Variants in CLDN16 observed in about 807,000 individuals in gnomAD.
The protein encoded by CLDN16 is claudin-16.
A neutral mutation model predicts 24.6 loss-of-function variants in CLDN16; 13 were observed. The observed-to-expected ratio is 0.53, with a 90% CI of 0.34 to 0.84. The LOEUF is 0.84. CLDN16 is among the 40% of genes least tolerant of loss of function. The probability of loss-of-function intolerance (pLI) is 0.01; values close to 1 mark genes in which losing one functional copy is unlikely to be tolerated. For missense variants in CLDN16, 298 were observed against 292.7 expected, an observed-to-expected ratio of 1.02 and a Z score of -0.13; for synonymous variants, 116 against 106.7, an observed-to-expected ratio of 1.09 and a Z score of -0.54.
the CLDN16 span, among the ~76,000 whole-genome samples, chr3:190,300,868 TG>T: frequency 6.6e-6 from 1 of 152,188 alleles, no homozygotes; most frequent in East Asian, 1.9e-4. Flanking sequence ...AATCCAGGGC[TG>T]GTCTGTGACC....
At position 190,410,001 on chromosome 3, in the gene CLDN16, A is replaced by G; in HGVS notation, c.673A>G (p.Thr225Ala). ...GTCATACTCAGCCCCTCGCACAGAG[A>G]CGGCCAAAATGTATGCTGTAGACAC... is the stretch of plus-strand genomic sequence containing the variant. ...AKSYSAPRTE[T>A]AKMYAVDTRV The change falls in exon 5 of 5, where the codon ACG (threonine) becomes GCG (alanine). Residue 225 changes from threonine (T) to alanine (A), a missense_variant. Physicochemically the swap from Thr to Ala is moderately conservative, Grantham distance 58. Coordinates refer to ENST00000264734, the MANE Select transcript of CLDN16 (RefSeq NM_006580.4). 1 of 1,614,080 alleles carries G rather than the reference A, an allele frequency of 6.2e-7. No individual in the cohort carries two copies. The highest frequency in any genetic ancestry group is 8.5e-7 in the Non-Finnish European group (1 of 1,180,016).
chr3:190,341,253 G>T (rs113962136), intron 1 of CLDN16, among the ~76,000 whole-genome samples: 1 of 152,188 alleles, frequency 6.6e-6, no homozygotes, highest in Non-Finnish European at 1.5e-5. Context: ...CCCTAGCAGA[G>T]GTTCTCTATA....
chr3:190,339,484 G>A (rs1717382163), intron 1 of CLDN16, among the ~76,000 whole-genome samples: 1 of 152,166 alleles, frequency 6.6e-6, no homozygotes, highest in Non-Finnish European at 1.5e-5. Context: ...GCAGTGTTGA[G>A]GAGACAATGT....
chr3:190,358,202 T>C (rs575853017), intron 1 of CLDN16, among the ~76,000 whole-genome samples: 2 of 152,108 alleles, frequency 1.3e-5, no homozygotes, highest in Non-Finnish European at 2.9e-5. Context: ...AGAAATGCTT[T>C]TTTTTCTTTT....
At chr3:190,399,146 GCTATCAT>G (rs968321813) in intron 1 of CLDN16, among the ~76,000 whole-genome samples, 1 of 152,118 alleles carries the variant, frequency 6.6e-6, no homozygotes, top group African/African-American at 2.4e-5. Context: ...TTCACCCAAA[GCTATCAT>G]CCAATACCCA....
At chr3:190,357,631 C>T (rs552591319) in intron 1 of CLDN16, among the ~76,000 whole-genome samples, 9 of 152,046 alleles carry the variant, frequency 5.9e-5, no homozygotes, top group African/African-American at 2.2e-4. Context: ...GCTTACCTTT[C>T]TCACTCCTAC....
At chr3:190,352,793 G>GA (rs67683738) in intron 1 of CLDN16, among the ~76,000 whole-genome samples, 73 of 145,626 alleles carry the variant, frequency 5.0e-4, no homozygotes, top group East Asian at 4.9e-3. Flanking sequence ...TGTTTTCTCA[G>GA]AAAAAAAAAA....
chr3:190,375,658 T>G (rs1718230288), intron 3 of CLDN16, among the ~76,000 whole-genome samples: 1 of 151,986 alleles, frequency 6.6e-6, no homozygotes, highest in Non-Finnish European at 1.5e-5. Flanking sequence ...CTTATCTCTT[T>G]ATTAAACATT....
At chr3:190,299,549 A>AT in the CLDN16 span, among the ~76,000 whole-genome samples, 15,208 of 148,498 alleles carry the variant, frequency 0.1, 822 homozygotes, top group Admixed American at 0.17. Context: ...ATTTTTTCTG[A>AT]ATTTTTTTTA....
chr3:190,344,115 A>G (rs781726877), intron 1 of CLDN16, among the ~76,000 whole-genome samples: 4 of 149,188 alleles, frequency 2.7e-5, no homozygotes, highest in East Asian at 1.9e-4. Context: ...AATGAAATGA[A>G]ATATAAAAAA....
intron 4 of CLDN16, 97 bp from the exon 5 acceptor site, chr3:190,409,806 T>C (rs1465882472): frequency 6.1e-6 from 7 of 1,143,284 alleles, no homozygotes; most frequent in Non-Finnish European, 9.1e-6. Flanking sequence ...TGAGTATCTA[T>C]ATTCTTGTTC....
At chr3:190,376,786 G>T (rs183625641) in intron 3 of CLDN16, among the ~76,000 whole-genome samples, 1 of 151,964 alleles carries the variant, frequency 6.6e-6, no homozygotes, top group Non-Finnish European at 1.5e-5. Flanking sequence ...GATAAGTGAT[G>T]TAACAGGAAG....
the CLDN16 span, among the ~76,000 whole-genome samples, chr3:190,296,212 A>G: frequency 1.3e-5 from 2 of 152,260 alleles, no homozygotes; most frequent in Non-Finnish European, 2.9e-5. Context: ...AGCTGCTTTT[A>G]TAAAGCATTC....
chr3:190,380,325 G>C (rs1288823320), intron 3 of CLDN16, among the ~76,000 whole-genome samples: 1 of 150,544 alleles, frequency 6.6e-6, no homozygotes, highest in African/African-American at 2.4e-5. Flanking sequence ...CAAATATATA[G>C]AAAGCTTAAT....
chr3:190,349,300 G>A lies in CLDN16; in HGVS notation n.122-21593G>A, dbSNP rs140764968. ...AGCTGGTTGTTTAAACGTGTGTAGA[G>A]CTTCCCCCTTCACTCCTTCTCTCCT... On this transcript the variant is annotated intron_variant and non_coding_transcript_variant, in intron 1 of 4. Transcript: ENST00000468220. Among the ~76,000 whole-genome samples the A allele has an allele frequency of 2.7e-3, 407 of 151,342 alleles. 1 individual carries two copies. Among genetic ancestry groups the A allele is most frequent in the African/African-American group, 9.2e-3 (381 of 41,226 alleles).
intron 2 of CLDN16, among the ~76,000 whole-genome samples, chr3:190,373,019 C>A (rs1420150067): frequency 6.6e-6 from 1 of 151,966 alleles, no homozygotes; most frequent in African/African-American, 2.4e-5. Flanking sequence ...CTTCAAAGGG[C>A]AGCCCCTTTG....
chr3:190,316,483 G>C, the CLDN16 span, among the ~76,000 whole-genome samples: 1 of 152,196 alleles, frequency 6.6e-6, no homozygotes, highest in East Asian at 1.9e-4. Context: ...CAAGGCGTAG[G>C]TAATGATAGG....
rs1322083215 is a variant in CLDN16 at position 190,341,627 on chromosome 3, T to C, written n.121+18966T>C. Among the ~76,000 whole-genome samples, 3 of 152,192 alleles carry C rather than the reference T, an allele frequency of 2.0e-5. No individual in the cohort carries two copies. In the East Asian group the frequency reaches 5.8e-4, roughly 29 times the overall value. ...CTCACATGCCCTGGAGATATTTTTT[T>C]CCATTGACTTGGTGATTAATATTCG... On this transcript the variant is annotated intron_variant and non_coding_transcript_variant, in intron 1 of 4. Transcript: ENST00000468220.
rs181012180 is a variant in CLDN16, at chr3:190,369,433, A to C, written n.122-1460A>C. On this transcript the variant is annotated intron_variant and non_coding_transcript_variant, in intron 1 of 4. Coordinates refer to the CLDN16 transcript ENST00000468220. ...TGCTCATAAGAGAACATGCAGTGAG[A>C]AATTGCTATAATTTGATTACCATGT... 3.3e-5 allele frequency among the ~76,000 whole-genome samples: 5 copies of C among 152,098 alleles called. No individual in the cohort carries two copies. In the East Asian group the frequency reaches 9.7e-4, roughly 30 times the overall value.
Sources: gnomAD v4.1 joint callset for allele counts (sites outside exome capture counted in the v4.1 genomes callset) on GRCh38, gnomAD v4.1.1 for gene constraint, MANE v1.5 for transcripts, NCBI Gene and HGNC (gene_info 2026-07-23, HGNC 2026-07-21) for gene names.